The following NDST4 variants were observed in gnomAD, a reference collection of about 807,000 sequenced individuals.
The protein encoded by NDST4 is N-deacetylase and N-sulfotransferase 4.
A neutral mutation model predicts 100.8 loss-of-function variants in NDST4; 63 were observed. The ratio of observed to expected loss-of-function variants is 0.62; its 90% confidence interval spans 0.51 to 0.77. The LOEUF (loss-of-function observed/expected upper bound fraction) is 0.77. NDST4 is among the 30% of genes least tolerant of loss of function. The probability of loss-of-function intolerance (pLI) is 0.00; values close to 1 mark genes in which losing one functional copy is unlikely to be tolerated. For synonymous variants in NDST4, 377 were observed against 361.8 expected, an observed-to-expected ratio of 1.04 and a Z score of -0.48; for missense variants, 943 against 1,018.4, an observed-to-expected ratio of 0.93 and a Z score of 1.01.
intron 1 of NDST4, among the ~76,000 whole-genome samples, chr4:115,095,627 C>T (rs978222447): frequency 6.6e-6 from 1 of 152,054 alleles, no homozygotes; most frequent in African/African-American, 2.4e-5. Context: ...CCAACTAGTA[C>T]CTGGGTTAAA....
chr4:114,989,186 T>A (rs1213261286), intron 2 of NDST4, among the ~76,000 whole-genome samples: 1 of 152,194 alleles, frequency 6.6e-6, no homozygotes. Flanking sequence ...GAGACACTCA[T>A]GAAAGAGAAC....
chr4:115,020,693 C>A (rs2126264442), intron 2 of NDST4, among the ~76,000 whole-genome samples: 1 of 152,038 alleles, frequency 6.6e-6, no homozygotes, highest in South Asian at 2.1e-4. Context: ...CCAGAATTTA[C>A]AATGAAGTCA....
intron 6 of NDST4, among the ~76,000 whole-genome samples, chr4:114,931,338 T>A (rs996116675): frequency 6.6e-6 from 1 of 151,656 alleles, no homozygotes; most frequent in Admixed American, 6.6e-5. Flanking sequence ...TACCAGCTAG[T>A]TTTGTGAAGA....
At chr4:114,938,259 G>C (rs898291175) in intron 4 of NDST4, among the ~76,000 whole-genome samples, 1 of 152,048 alleles carries the variant, frequency 6.6e-6, no homozygotes, top group Non-Finnish European at 1.5e-5. Context: ...GAAAGGTAAA[G>C]GTTAAGATTT....
chr4:114,852,903 C>A, intron 7 of NDST4, 82 bp from the exon 8 acceptor site: 5 of 924,274 alleles, frequency 5.4e-6, no homozygotes, highest in South Asian at 5.0e-5. Flanking sequence ...AAGATGGAAT[C>A]AAATTCTGGC....
At chr4:114,966,050 T>C (rs1726373553) in intron 4 of NDST4, among the ~76,000 whole-genome samples, 1 of 152,028 alleles carries the variant, frequency 6.6e-6, no homozygotes, top group African/African-American at 2.4e-5. Flanking sequence ...AAAAGTATTT[T>C]TCTCCACCCT....
At chr4:114,925,800 G>A (rs766297304) in intron 6 of NDST4, among the ~76,000 whole-genome samples, 2 of 152,102 alleles carry the variant, frequency 1.3e-5, no homozygotes, top group Non-Finnish European at 2.9e-5. Flanking sequence ...TACAATCAGA[G>A]CCTATTGAAA....
At chr4:114,955,105 A>C (rs1726109349) in intron 4 of NDST4, among the ~76,000 whole-genome samples, 1 of 152,146 alleles carries the variant, frequency 6.6e-6, no homozygotes, top group African/African-American at 2.4e-5. Context: ...GAACAGACTA[A>C]TACATATATT....
At chr4:114,911,350 C>T (rs1725057872) in intron 6 of NDST4, among the ~76,000 whole-genome samples, 1 of 152,170 alleles carries the variant, frequency 6.6e-6, no homozygotes, top group African/African-American at 2.4e-5. Flanking sequence ...GAGCACTCTT[C>T]TTTTATATGG....
chr4:114,866,628 CCAAA>C (rs1177866678), intron 7 of NDST4, among the ~76,000 whole-genome samples: 2 of 151,832 alleles, frequency 1.3e-5, no homozygotes, highest in African/African-American at 4.8e-5. Context: ...CAAATATGAA[CCAAA>C]CAAAGTCTCA....
chr4:114,988,508 C>G (rs1726963619), intron 2 of NDST4, among the ~76,000 whole-genome samples: 1 of 151,322 alleles, frequency 6.6e-6, no homozygotes, highest in South Asian at 2.1e-4. Context: ...ACTACAGGCG[C>G]CCGCCACCAC....
At chr4:114,928,512 C>G (rs1035201347) in intron 6 of NDST4, among the ~76,000 whole-genome samples, 1 of 152,106 alleles carries the variant, frequency 6.6e-6, no homozygotes, top group Non-Finnish European at 1.5e-5. Context: ...TCACTTACTC[C>G]AAGTCTGCCT....
intron 7 of NDST4, among the ~76,000 whole-genome samples, chr4:114,854,877 A>T (rs1219457586): frequency 6.6e-6 from 1 of 152,152 alleles, no homozygotes; most frequent in Non-Finnish European, 1.5e-5. Flanking sequence ...TAGTGGTTGT[A>T]CTAATTTACA....
At position 114,910,454 on chromosome 4, in the gene NDST4, T is replaced by C. The variant is rs74851246; in HGVS notation, c.1536+24752A>G. 9.6e-3 allele frequency among the ~76,000 whole-genome samples: 1,460 copies of C among 152,318 alleles called. 20 individuals carry two copies. The highest frequency in any genetic ancestry group is 0.031 in the Middle Eastern group (9 of 294). On this transcript the variant is annotated intron_variant, in intron 6 of 13. Transcript: ENST00000264363. ...GTATGTGTGTCTGTGTGTATAACAGTAGTAGCTCATTCTTTGTCCTAGAGA... is the reference window on the plus strand; with the variant it reads ...GTATGTGTGTCTGTGTGTATAACAGCAGTAGCTCATTCTTTGTCCTAGAGA...
intron 6 of NDST4, among the ~76,000 whole-genome samples, chr4:114,900,691 A>G (rs551848419): frequency 6.6e-6 from 1 of 152,180 alleles, no homozygotes; most frequent in Non-Finnish European, 1.5e-5. Flanking sequence ...GTGAAGATAC[A>G]TTCTATAACA....
At chr4:114,934,262 T>A (rs1040318986) in intron 6 of NDST4, among the ~76,000 whole-genome samples, 1 of 152,114 alleles carries the variant, frequency 6.6e-6, no homozygotes, top group Non-Finnish European at 1.5e-5. Flanking sequence ...GAAAGACAAA[T>A]ACTTCATGAT....
chr4:114,836,260 T>G (rs1409492814), intron 11 of NDST4, among the ~76,000 whole-genome samples: 1 of 152,238 alleles, frequency 6.6e-6, no homozygotes, highest in African/African-American at 2.4e-5. Flanking sequence ...GGTTTTTTCC[T>G]TTCCATATTT....
At chr4:114,956,737 G>C (rs1041609422) in intron 4 of NDST4, among the ~76,000 whole-genome samples, 1 of 149,602 alleles carries the variant, frequency 6.7e-6, no homozygotes, top group Non-Finnish European at 1.5e-5. Context: ...TAACATTGAG[G>C]CTGCACACTT....
chr4:114,936,259 T>C (rs1043301518), intron 5 of NDST4, among the ~76,000 whole-genome samples: 3 of 152,196 alleles, frequency 2.0e-5, no homozygotes, highest in African/African-American at 4.8e-5. Flanking sequence ...TCTATGGCCA[T>C]CAATGCCACT....
Sources: allele counts gnomAD v4.1 joint callset (sites outside exome capture counted in the v4.1 genomes callset), GRCh38; gene constraint gnomAD v4.1.1; transcripts MANE v1.5; gene names NCBI Gene and HGNC (gene_info 2026-07-23, HGNC 2026-07-21).